Variants in SNURF observed in about 807,000 individuals in gnomAD.
SNURF encodes SNURF protein.
A neutral mutation model predicts 11.6 loss-of-function variants in SNURF; 6 were observed. The ratio of observed to expected loss-of-function variants is 0.52; its 90% CI spans 0.28 to 1.02. The LOEUF is 1.02. Among genes scored for constraint, SNURF ranks in the 50% least tolerant of loss-of-function variants. The pLI is 0.09. For synonymous variants in SNURF, 29 were observed against 31.6 expected, an observed-to-expected ratio of 0.92 and a Z score of 0.27; for missense variants, 84 against 88.4, an observed-to-expected ratio of 0.95 and a Z score of 0.20.
chr15:24,977,078 C>A (rs2077139480), intron 6 of SNURF: 3 of 1,454,418 alleles, frequency 2.1e-6, no homozygotes. Flanking sequence ...TATGACTAAG[C>A]CGGAGGCCGA....
chr15:24,958,516 TTTTTA>T (rs2074242361), intron 1 of SNURF, among the ~76,000 whole-genome samples: 1 of 83,594 alleles, frequency 1.2e-5, no homozygotes, highest in Non-Finnish European at 2.4e-5. Context: ...TTTTTTTTTT[TTTTTA>T]AATAGACCAG....
chr15:24,963,522 G>A (rs895508881), intron 2 of SNURF, among the ~76,000 whole-genome samples: 1 of 151,952 alleles, frequency 6.6e-6, no homozygotes, highest in Non-Finnish European at 1.5e-5. Flanking sequence ...GGCTGAGGCA[G>A]GAGAATTGTT....
chr15:24,962,876 T>TA (rs1333440045), intron 2 of SNURF, among the ~76,000 whole-genome samples: 5 of 151,952 alleles, frequency 3.3e-5, no homozygotes, highest in African/African-American at 1.2e-4. Flanking sequence ...TTTTGATCAG[T>TA]AGGTAGCATT....
chr15:24,968,319 G>T, exon 3 of SNURF: 3 of 302,352 alleles, frequency 9.9e-6, no homozygotes, highest in South Asian at 7.9e-5. Context: ...TTTCTTTTGC[G>T]TTTTTTTTAA....
intron 5 of SNURF, chr15:24,976,792 G>A: frequency 4.9e-6 from 6 of 1,224,708 alleles, no homozygotes; most frequent in Non-Finnish European, 7.0e-6. Context: ...ATGGGAAAAT[G>A]GTGGAGAGAA....
chr15:24,973,074 GAT>G (rs1299118816), downstream of SNURF, among the ~76,000 whole-genome samples: 1 of 152,040 alleles, frequency 6.6e-6, no homozygotes, highest in Non-Finnish European at 1.5e-5. Context: ...TTTTAGTAGA[GAT>G]AGGGTTTTCG....
chr15:24,967,280 C>T (rs1302475717), intron 2 of SNURF: 1 of 153,070 alleles, frequency 6.5e-6, no homozygotes, highest in African/African-American at 2.4e-5. Flanking sequence ...TGTACAATCT[C>T]TGTGTAGAGA....
chr15:24,977,638 A>G (rs2077216108), intron 6 of SNURF: 1 of 875,224 alleles, frequency 1.1e-6, no homozygotes, highest in Non-Finnish European at 1.6e-6. Flanking sequence ...AACTGTCTCA[A>G]AAAAAAACAT....
At chr15:24,971,772 A>G (rs1251744821), downstream of SNURF, among the ~76,000 whole-genome samples, 1 of 152,210 alleles carries the variant, frequency 6.6e-6, no homozygotes, top group Non-Finnish European at 1.5e-5. Flanking sequence ...GCTGATAAAC[A>G]TAAAATTCAC....
intron 1 of SNURF, chr15:24,958,911 TCTC>T (rs891493688): frequency 1.3e-5 from 2 of 152,990 alleles, no homozygotes; most frequent in Non-Finnish European, 2.9e-5. Flanking sequence ...TAGAGAGGGG[TCTC>T]CTTATGTTGC....
chr15:24,962,275 C>A, intron 2 of SNURF, 66 bp downstream of exon 2: 2 of 1,269,042 alleles, frequency 1.6e-6, no homozygotes, highest in Non-Finnish European at 2.3e-6. Flanking sequence ...AACAAAATAT[C>A]ATGCAATGAG....
At chr15:24,974,038 T>C (rs2153673574) in intron 3 of SNURF, among the ~76,000 whole-genome samples, 1 of 152,242 alleles carries the variant, frequency 6.6e-6, no homozygotes, top group African/African-American at 2.4e-5. Flanking sequence ...GAAAGAAAAA[T>C]ACTAAATTTG....
chr15:24,969,548 A>G (rs1596299852), downstream of SNURF, among the ~76,000 whole-genome samples: 1 of 152,170 alleles, frequency 6.6e-6, no homozygotes, highest in East Asian at 1.9e-4. Context: ...TCATTGTCCA[A>G]AGCTTTTCCC....
At chr15:24,962,362 A>G (rs2074967241) in intron 2 of SNURF, among the ~76,000 whole-genome samples, 153 bp downstream of exon 2, 1 of 152,250 alleles carries the variant, frequency 6.6e-6, no homozygotes, top group Non-Finnish European at 1.5e-5. Flanking sequence ...TGAAATTCTT[A>G]ACCATATTAT....
At chr15:24,967,620 C>T (rs760255856) in intron 2 of SNURF, among the ~76,000 whole-genome samples, 14 of 148,250 alleles carry the variant, frequency 9.4e-5, no homozygotes, top group South Asian at 4.3e-4. Context: ...CCAGCCTGGG[C>T]GACAGAGTGA....
At chr15:24,959,207 T>C (rs1596200211) in intron 1 of SNURF, among the ~76,000 whole-genome samples, 1 of 152,250 alleles carries the variant, frequency 6.6e-6, no homozygotes, top group African/African-American at 2.4e-5. Flanking sequence ...GTCCTCAGTT[T>C]CATAAAATGT....
chr15:24,962,930 A>G (rs989447479), intron 2 of SNURF, among the ~76,000 whole-genome samples: 1 of 152,190 alleles, frequency 6.6e-6, no homozygotes, highest in African/African-American at 2.4e-5. Flanking sequence ...AAGTATTAAA[A>G]ATTCATGAAG....
chr15:24,971,110 T>C (rs779421067), downstream of SNURF, among the ~76,000 whole-genome samples: 1 of 152,202 alleles, frequency 6.6e-6, no homozygotes, highest in Non-Finnish European at 1.5e-5. Flanking sequence ...TACTTTTGAA[T>C]TAAAGTAGAT....
At chr15:24,956,317 G>A (rs1454769942) in intron 1 of SNURF, among the ~76,000 whole-genome samples, 3 of 148,432 alleles carry the variant, frequency 2.0e-5, no homozygotes, top group African/African-American at 4.9e-5. Context: ...CAAGATGGCC[G>A]CCGCTGCAGC....
Sources: gnomAD v4.1 joint callset for allele counts (sites outside exome capture counted in the v4.1 genomes callset) on GRCh38, gnomAD v4.1.1 for gene constraint, MANE v1.5 for transcripts, NCBI Gene and HGNC (gene_info 2026-07-23, HGNC 2026-07-21) for gene names.